DDAH1: variants seen among roughly 807,000 people sequenced by gnomAD.
DDAH1 encodes the protein dimethylarginine dimethylaminohydrolase 1.
Under a neutral mutation model 28.8 loss-of-function variants are expected in DDAH1, and 19 were observed. The ratio of observed to expected loss-of-function variants is 0.66; its 90% CI spans 0.46 to 0.97. DDAH1 has a LOEUF of 0.97. DDAH1 is among the 50% of genes least tolerant of loss of function. The probability of loss-of-function intolerance (pLI) is 0.00; values close to 1 mark genes in which losing one functional copy is unlikely to be tolerated. For synonymous variants in DDAH1, 153 were observed against 154.4 expected (o/e 0.99, Z 0.07); for missense variants, 326 against 375.9 (o/e 0.87, Z 1.10).
chr1:85,389,135 A>G (rs1197173140), intron 1 of DDAH1, among the ~76,000 whole-genome samples: 1 of 152,150 alleles, frequency 6.6e-6, no homozygotes, highest in Non-Finnish European at 1.5e-5. Flanking sequence ...TGAGCCCAGG[A>G]GTTCGAGATC....
At position 85,465,067 on chromosome 1, in the gene DDAH1, G is replaced by A. The variant is rs191616432; in HGVS notation, c.-22C>T. 9 of 1,227,312 alleles carry A rather than the reference G, an allele frequency of 7.3e-6. No homozygotes were observed. The highest frequency in any genetic ancestry group is 3.1e-4 in the Middle Eastern group (1 of 3,186). 76.0% of individuals were successfully genotyped at this position (1,227,312 alleles called of 1,614,324 possible). On this transcript the variant is annotated 5_prime_UTR_variant, in exon 1 of 6. Coordinates refer to ENST00000284031, the MANE Select transcript of DDAH1 (RefSeq NM_012137.4). ...CCATGGCTTCGGGAGGCTTAGGGGC[G>A]GCGGCGGCGGCGGAGGCGGCCGGGT...
chr1:85,405,958 G>A (rs997556685), intron 1 of DDAH1, among the ~76,000 whole-genome samples: 3 of 152,298 alleles, frequency 2.0e-5, no homozygotes, highest in East Asian at 1.9e-4. Context: ...AAGAGCACAC[G>A]GATATTAGCC....
In DDAH1 at chr1:85,569,546, C is replaced by G. The variant is rs552184191; in HGVS notation, c.-123+8438G>C. On this transcript the variant is annotated intron_variant, in intron 1 of 6. Coordinates refer to the DDAH1 transcript ENST00000426972. ...ATTTCAGGCAGAAATTGTCTCAATTCTCACTTTCTGTCACTTTAGAAGTTT... is the reference window on the plus strand; with the variant it reads ...ATTTCAGGCAGAAATTGTCTCAATTGTCACTTTCTGTCACTTTAGAAGTTT... 6.6e-5 allele frequency among the ~76,000 whole-genome samples: 10 copies of G among 152,344 alleles called. No homozygotes were observed. In the South Asian group the frequency reaches 2.1e-3, roughly 32 times the overall value.
intron 4 of DDAH1, among the ~76,000 whole-genome samples, chr1:85,325,426 C>G (rs1444871711): frequency 6.6e-6 from 1 of 152,154 alleles, no homozygotes; most frequent in Non-Finnish European, 1.5e-5. Flanking sequence ...TGTTCATTGG[C>G]AGGTGATGGC....
chr1:85,505,769 C>G, intron 1 of DDAH1, among the ~76,000 whole-genome samples: 1 of 152,276 alleles, frequency 6.6e-6, no homozygotes, highest in East Asian at 1.9e-4. Flanking sequence ...TAAAACTAAA[C>G]TTATTTACCT....
intron 1 of DDAH1, among the ~76,000 whole-genome samples, chr1:85,397,088 T>C (rs746672324): frequency 6.6e-6 from 1 of 151,856 alleles, no homozygotes; most frequent in African/African-American, 2.4e-5. Flanking sequence ...TAGAAATCAA[T>C]CATAATTTTG....
intron 1 of DDAH1, among the ~76,000 whole-genome samples, chr1:85,367,239 T>C (rs1216985622): frequency 1.3e-5 from 2 of 152,204 alleles, no homozygotes; most frequent in South Asian, 2.1e-4. Context: ...TCCAGGCCGA[T>C]GCTCTGAGAC....
At chr1:85,519,074 G>T (rs1272640327) in intron 1 of DDAH1, among the ~76,000 whole-genome samples, 1 of 147,204 alleles carries the variant, frequency 6.8e-6, no homozygotes, top group Admixed American at 6.9e-5. Flanking sequence ...AAGAAGAAAC[G>T]AGGAAAGACG....
chr1:85,480,828 T>C (rs148335001), intron 2 of DDAH1, among the ~76,000 whole-genome samples: 1 of 151,470 alleles, frequency 6.6e-6, no homozygotes, highest in African/African-American at 2.4e-5. Context: ...AATAAAAGAG[T>C]AGTTAAATAA....
At position 85,538,189 on chromosome 1, in the gene DDAH1, A is replaced by T. The variant is rs1658351560; in HGVS notation, c.-123+39795T>A. The stretch of plus-strand genomic sequence containing the variant: ...CTGTCTGCAAGTATATAATGCATTC[A>T]ACATAAGTTATGCAGGAACTTTCTC... On this transcript the variant is annotated intron_variant, in intron 1 of 6. Coordinates refer to the DDAH1 transcript ENST00000426972. 1.3e-5 allele frequency among the ~76,000 whole-genome samples: 2 copies of T among 152,258 alleles called. 1 individual carries two copies. Among genetic ancestry groups the T allele is most frequent in the African/African-American group, 4.8e-5 (2 of 41,474 alleles).
intron 1 of DDAH1, among the ~76,000 whole-genome samples, chr1:85,507,162 AGTT>A (rs144033376): frequency 0.02 from 3,022 of 152,138 alleles, 119 homozygotes; most frequent in African/African-American, 0.067. Flanking sequence ...ATATTTTGAA[AGTT>A]GTTGAAATCA....
intron 1 of DDAH1, among the ~76,000 whole-genome samples, chr1:85,378,908 C>T (rs1326855392): frequency 6.6e-6 from 1 of 152,148 alleles, no homozygotes; most frequent in African/African-American, 2.4e-5. Context: ...TGAGGCACAG[C>T]TAAAATTCTA....
intron 2 of DDAH1, chr1:85,495,417 G>A (rs1424696347): frequency 6.6e-6 from 1 of 152,190 alleles, no homozygotes; most frequent in Non-Finnish European, 1.5e-5. Flanking sequence ...TCAACAATTA[G>A]TGCAGAGAAG....
At chr1:85,370,943 C>CA (rs1024330070) in intron 1 of DDAH1, among the ~76,000 whole-genome samples, 1 of 152,072 alleles carries the variant, frequency 6.6e-6, no homozygotes, top group Non-Finnish European at 1.5e-5. Flanking sequence ...GTCAATGATA[C>CA]AAAAAGTTAC....
chr1:85,557,253 C>T (rs2100800867), intron 1 of DDAH1, among the ~76,000 whole-genome samples: 1 of 152,278 alleles, frequency 6.6e-6, no homozygotes, highest in Admixed American at 6.5e-5. Flanking sequence ...GTGTTAAGTA[C>T]AGTGTTAAAT....
At chr1:85,436,491 T>C (rs1003581211) in intron 1 of DDAH1, among the ~76,000 whole-genome samples, 1 of 152,154 alleles carries the variant, frequency 6.6e-6, no homozygotes, top group African/African-American at 2.4e-5. Context: ...TTAGAAGAGA[T>C]GAGAAAGCAT....
At chr1:85,472,607 T>A (rs1288756520) in intron 2 of DDAH1, among the ~76,000 whole-genome samples, 1 of 152,154 alleles carries the variant, frequency 6.6e-6, no homozygotes, top group African/African-American at 2.4e-5. Context: ...TGCAACCACA[T>A]TAGGGGCTAA....
chr1:85,363,942 C>CT (rs1649924569), intron 1 of DDAH1, among the ~76,000 whole-genome samples: 1 of 106,066 alleles, frequency 9.4e-6, no homozygotes, highest in Non-Finnish European at 2.0e-5. Context: ...GGCTACAATT[C>CT]TTTTTTTTAA....
intron 2 of DDAH1, among the ~76,000 whole-genome samples, chr1:85,473,186 T>C (rs1314477297): frequency 6.6e-6 from 1 of 152,202 alleles, no homozygotes; most frequent in African/African-American, 2.4e-5. Context: ...GATAAATATA[T>C]GAGTGACAGT....
Sources: allele counts gnomAD v4.1 joint callset (sites outside exome capture counted in the v4.1 genomes callset), GRCh38; gene constraint gnomAD v4.1.1; transcripts MANE v1.5; gene names NCBI Gene and HGNC (gene_info 2026-07-23, HGNC 2026-07-21).